LDLRAD4: variants seen among roughly 807,000 people sequenced by gnomAD.
The protein encoded by LDLRAD4 is low-density lipoprotein receptor class A domain-containing protein 4.
LDLRAD4 carries 5 observed loss-of-function variants against 17.0 expected under a neutral mutation model. The observed-to-expected ratio is 0.29, with a 90% CI of 0.15 to 0.62. The LOEUF is 0.62. LDLRAD4 is among the 20% of genes least tolerant of loss of function. The probability of loss-of-function intolerance (pLI) is 0.84; values close to 1 mark genes in which losing one functional copy is unlikely to be tolerated. For synonymous variants in LDLRAD4, 168 were observed against 171.8 expected (o/e 0.98, Z 0.17); for missense variants, 340 against 424.7 (o/e 0.80, Z 1.75).
rs115823718 is a variant in LDLRAD4, at chr18:13,360,212, T to C, written c.-382-27129T>C. ...TCCTGCAGGTCATTTCCTCTCATCA[T>C]TGGAGGGAAAAAACATCACATCTCG... On this transcript the variant is annotated intron_variant, in intron 1 of 5. Coordinates refer to ENST00000359446, the Ensembl canonical transcript of LDLRAD4. Among the ~76,000 whole-genome samples, 33 of 152,310 alleles carry C rather than the reference T, an allele frequency of 2.2e-4. 1 individual carries two copies. The highest frequency in any genetic ancestry group is 7.5e-4 in the African/African-American group (31 of 41,576).
chr18:13,624,580 G>A (rs2040949313), intron 4 of LDLRAD4, among the ~76,000 whole-genome samples: 1 of 152,208 alleles, frequency 6.6e-6, no homozygotes, highest in Non-Finnish European at 1.5e-5. Flanking sequence ...GGAGTGTCAG[G>A]CGTGGGAGCT....
Position 13,621,157 on chromosome 18 carries a change from G to A in LDLRAD4, c.222G>A (p.Val74=), listed in dbSNP as rs2040592468. ...CCCAAATCATCATCATCGTCGTGGT[G>A]GTCACGGTGATGGTGGTGGTCATCG... Residue 74 remains valine, a synonymous_variant, in exon 4 of 6, where the codon GTG becomes GTA. Coordinates refer to ENST00000359446, the Ensembl canonical transcript of LDLRAD4. This position sits in a 1 kb window ranked among gnomAD's most constrained non-coding sequence, Gnocchi z 5.5. The A allele has an allele frequency of 6.2e-7, 1 of 1,614,184 alleles. No homozygotes were observed. Among genetic ancestry groups the A allele is most frequent in the East Asian group, 2.2e-5 (1 of 44,886 alleles).
At chr18:13,599,187 A>T (rs2095130645) in intron 3 of LDLRAD4, among the ~76,000 whole-genome samples, 1 of 151,910 alleles carries the variant, frequency 6.6e-6, no homozygotes, top group Admixed American at 6.6e-5. Flanking sequence ...GAGAGAGGAA[A>T]CTCTTGTTTT....
chr18:13,604,667 G>A (rs2095202422), intron 3 of LDLRAD4, among the ~76,000 whole-genome samples: 1 of 152,146 alleles, frequency 6.6e-6, no homozygotes, highest in Non-Finnish European at 1.5e-5. Flanking sequence ...TGAAAATTGT[G>A]ATATATTTAA....
intron 1 of LDLRAD4, among the ~76,000 whole-genome samples, chr18:13,383,657 A>G (rs2085562827): frequency 6.6e-6 from 1 of 152,220 alleles, no homozygotes; most frequent in Admixed American, 6.5e-5. Context: ...TTTCTAAACT[A>G]AAAGCACACG....
intron 4 of LDLRAD4, among the ~76,000 whole-genome samples, chr18:13,635,449 TA>T (rs2041996584): frequency 6.6e-6 from 1 of 152,158 alleles, no homozygotes; most frequent in Non-Finnish European, 1.5e-5. Context: ...TGGTCTGATG[TA>T]AAAGGAAAAA....
At chr18:13,542,457 C>G (rs578048717) in intron 3 of LDLRAD4, 1 of 152,960 alleles carries the variant, frequency 6.5e-6, no homozygotes, top group African/African-American at 2.4e-5. Flanking sequence ...TTGTCCCCTC[C>G]CTGGTAAGCC....
At chr18:13,408,373 CAAA>C (rs1409612495) in intron 2 of LDLRAD4, among the ~76,000 whole-genome samples, 2 of 51,894 alleles carry the variant, frequency 3.9e-5, no homozygotes, top group Non-Finnish European at 4.4e-5. Context: ...GACCCTGTCT[CAAA>C]AAAAAAAAAA....
intron 3 of LDLRAD4, among the ~76,000 whole-genome samples, chr18:13,502,944 G>A (rs1212179847): frequency 1.3e-5 from 2 of 152,208 alleles, no homozygotes; most frequent in Non-Finnish European, 2.9e-5. Context: ...AGAATTTAGG[G>A]GAGGAAAGGC....
chr18:13,261,903 G>T (rs556549875), intron 1 of LDLRAD4, among the ~76,000 whole-genome samples: 1 of 152,208 alleles, frequency 6.6e-6, no homozygotes, highest in East Asian at 1.9e-4. Context: ...GAACAGAGGA[G>T]ATGGGGGTGG....
intron 3 of LDLRAD4, chr18:13,614,887 T>C (rs564770726): frequency 7.8e-4 from 119 of 152,342 alleles, no homozygotes; most frequent in African/African-American, 2.6e-3. Context: ...CACCCGTCTC[T>C]GCTGAGGAGG....
At chr18:13,361,766 C>T (rs1468404588) in intron 1 of LDLRAD4, among the ~76,000 whole-genome samples, 1 of 152,088 alleles carries the variant, frequency 6.6e-6, no homozygotes, top group Non-Finnish European at 1.5e-5. Flanking sequence ...GCATGTTTTC[C>T]ATGAGGGGCC....
chr18:13,649,948 A>T, exon 6 of LDLRAD4: 1 of 397,660 alleles, frequency 2.5e-6, no homozygotes, highest in Non-Finnish European at 4.4e-6. Context: ...AGGTGGGCAA[A>T]GGGAGAACTT....
chr18:13,453,846 A>G (rs376745003), intron 3 of LDLRAD4, among the ~76,000 whole-genome samples: 16 of 152,324 alleles, frequency 1.1e-4, no homozygotes, highest in East Asian at 5.8e-4. Flanking sequence ...GGGGACAATA[A>G]TGACGCAATG....
At chr18:13,442,312 G>A (rs761575491) in intron 3 of LDLRAD4, among the ~76,000 whole-genome samples, 1 of 152,132 alleles carries the variant, frequency 6.6e-6, no homozygotes, top group East Asian at 1.9e-4. Context: ...AGTGAGGGCC[G>A]AGCGGGTCCA....
chr18:13,261,736 T>C (rs866327705), intron 1 of LDLRAD4, among the ~76,000 whole-genome samples: 31 of 152,226 alleles, frequency 2.0e-4, no homozygotes, highest in African/African-American at 6.3e-4. Context: ...TTCATCTATA[T>C]TGAAGACTGC....
chr18:13,509,415 A>C (rs1296331415), intron 3 of LDLRAD4, among the ~76,000 whole-genome samples: 1 of 152,226 alleles, frequency 6.6e-6, no homozygotes, highest in Non-Finnish European at 1.5e-5. Context: ...ACTAACTGCA[A>C]ATAAGGTAGA....
chr18:13,579,853 C>T (rs970171833), intron 3 of LDLRAD4, among the ~76,000 whole-genome samples: 4 of 152,130 alleles, frequency 2.6e-5, no homozygotes, highest in Non-Finnish European at 5.9e-5. Context: ...ACTTTTGAAA[C>T]GCAGTCTGTC....
At position 13,628,661 on chromosome 18, in the gene LDLRAD4, C is replaced by T. The variant is rs370344697; in HGVS notation, c.336+7390C>T. Among the ~76,000 whole-genome samples the T allele has an allele frequency of 2.4e-4, 37 of 152,230 alleles. 1 individual carries two copies. The East Asian group carries it at 3.3e-3, about 13-fold the overall frequency. On this transcript the variant is annotated intron_variant, in intron 4 of 5. Coordinates refer to ENST00000359446, the Ensembl canonical transcript of LDLRAD4. ...AAGGGAAACAGGAGGCCAAGCGGCC[C>T]GGCAGAAACTGCATAAGGATGCTGG...
Sources: allele counts gnomAD v4.1 joint callset (sites outside exome capture counted in the v4.1 genomes callset), GRCh38; gene constraint gnomAD v4.1.1; non-coding constraint Gnocchi (gnomAD v3.1); transcripts MANE v1.5; gene names NCBI Gene and HGNC (gene_info 2026-07-23, HGNC 2026-07-21).